Variants in GLUL observed in about 807,000 individuals in gnomAD.
GLUL encodes the protein glutamine synthetase.
A neutral mutation model predicts 36.9 loss-of-function variants in GLUL; 8 were observed. That is an observed-to-expected ratio of 0.22 (90% CI 0.13 to 0.39). The LOEUF (loss-of-function observed/expected upper bound fraction) is 0.39, where lower values mean the gene tolerates loss of function less well. GLUL is among the 10% of genes least tolerant of loss of function. The probability of loss-of-function intolerance (pLI) is 1.00; values close to 1 mark genes in which losing one functional copy is unlikely to be tolerated. For synonymous variants in GLUL, 182 were observed against 172.8 expected (o/e 1.05, Z -0.42); for missense variants, 315 against 501.8 (o/e 0.63, Z 3.56).
intron 3 of GLUL, chr1:182,386,902 T>C (rs1571407783): frequency 3.4e-6 from 2 of 593,168 alleles, no homozygotes; most frequent in East Asian, 2.9e-5. Flanking sequence ...GGCAAACAGA[T>C]CTGGACAAAT....
At chr1:182,386,611 C>A in intron 3 of GLUL, 1 of 613,214 alleles carries the variant, frequency 1.6e-6, no homozygotes, top group South Asian at 1.9e-5. Context: ...CTCTGAAAGA[C>A]TTCAGTTTTA....
chr1:182,378,195 C>G lies in GLUL; in HGVS notation c.*6210G>C, dbSNP rs1571397543. ...GCCCACTGGAGTTTAACTAATAGAT[C>G]TGCTGACTACGCCGTACAGTGGAGG... is the stretch of plus-strand genomic sequence containing the variant. On this transcript the variant is annotated 3_prime_UTR_variant, in exon 7 of 7. Coordinates refer to ENST00000331872, the MANE Select transcript of GLUL (RefSeq NM_001033044.4). Among the ~76,000 whole-genome samples, 1 of 152,160 alleles carries G rather than the reference C, an allele frequency of 6.6e-6. No individual in the cohort carries two copies. The highest frequency in any genetic ancestry group is 1.5e-5 in the Non-Finnish European group (1 of 68,020).
In GLUL at chr1:182,384,273, G is replaced by A. The variant is rs1650067275; in HGVS notation, c.*132C>T. 2.8e-6 allele frequency: 2 copies of A among 726,132 alleles called. No individual in the cohort carries two copies. Among genetic ancestry groups the A allele is most frequent in the African/African-American group, 1.7e-5 (1 of 57,266 alleles). The allele number at this position is 726,132 out of a possible 1,614,324, so 45.0% of individuals were successfully genotyped here. ...CCAAACAAAGAAAGCAAGATTAACT[G>A]GGCACATGGAATGAAAAAAACGACC... On this transcript the variant is annotated 3_prime_UTR_variant, in exon 7 of 7. Coordinates refer to ENST00000331872, the MANE Select transcript of GLUL (RefSeq NM_001033044.4).
Position 182,384,396 on chromosome 1 carries a change from C to A in GLUL, c.*9G>T. ...TAGGAGGGGCTCAACAGCTGGAGGT[C>A]TAGTCCACTTAATTTTTGTACTGGA... On this transcript the variant is annotated 3_prime_UTR_variant, in exon 7 of 7. Coordinates refer to ENST00000331872, the MANE Select transcript of GLUL (RefSeq NM_001033044.4). The A allele has an allele frequency of 6.3e-7, 1 of 1,591,938 alleles. No individual in the cohort carries two copies. The highest frequency in any genetic ancestry group is 1.1e-5 in the South Asian group (1 of 90,448).
chr1:182,391,025 C>T (rs1033092522), intron 1 of GLUL: 7 of 396,996 alleles, frequency 1.8e-5, no homozygotes, highest in Non-Finnish European at 3.1e-5. Flanking sequence ...AGGGTGGGGG[C>T]GCAGGCCGTA....
chr1:182,385,319 A>G (rs774201990), intron 6 of GLUL, 38 bp downstream of exon 6: 1 of 1,476,204 alleles, frequency 6.8e-7, no homozygotes, highest in Admixed American at 1.7e-5. Flanking sequence ...GTTTTCTGCC[A>G]CAGGAGATTA....
At position 182,391,789 on chromosome 1, in the gene GLUL, C is replaced by T. The variant is rs1015120813; in HGVS notation, c.-124G>A. On this transcript the variant is annotated 5_prime_UTR_variant, in exon 1 of 7. Coordinates refer to ENST00000331872, the MANE Select transcript of GLUL (RefSeq NM_001033044.4). ...CTCCGCTCTTCTCCCACTCTCGACT[C>T]TGCAGAGCCGCCAGCAGCCCCGCAC... 2.0e-5 allele frequency: 3 copies of T among 152,544 alleles called. No homozygotes were observed. The highest frequency in any genetic ancestry group is 1.9e-4 in the East Asian group (1 of 5,174). The allele number at this position is 152,544 out of a possible 1,614,324, so 9.4% of individuals were successfully genotyped here. A position where few individuals can be genotyped will look rare whatever the true frequency, so the allele number is the denominator to read the frequency against.
At chr1:182,386,542 C>T (rs1650190923) in intron 3 of GLUL, 140 bp from the exon 4 acceptor site, 5 of 762,764 alleles carry the variant, frequency 6.6e-6, no homozygotes, top group African/African-American at 1.7e-5. Context: ...TATAGGCCTT[C>T]TTGGGATCAC....
intron 6 of GLUL, 56 bp downstream of exon 6, chr1:182,385,298 TCTC>T: frequency 1.6e-6 from 2 of 1,290,186 alleles, no homozygotes; most frequent in African/African-American, 2.9e-5. Flanking sequence ...GATTGCTAAG[TCTC>T]CTCCCAAGTT....
intron 4 of GLUL, 26 bp downstream of exon 4, chr1:182,386,230 T>C: frequency 6.2e-7 from 1 of 1,607,854 alleles, no homozygotes; most frequent in African/African-American, 1.3e-5. Flanking sequence ...TTCTGGGAAT[T>C]TCACCTCTAA....
In GLUL at chr1:182,384,434, C is replaced by T. The variant is rs754863423; in HGVS notation, c.1093G>A (p.Gly365Ser). Residue 365 changes from glycine to serine, a missense_variant, in exon 7 of 7, where the codon GGC (glycine) becomes AGC (serine). This residue lies in a region of GLUL where 58 missense variants were observed against 89.5 expected (regional missense o/e 0.65). Coordinates refer to ENST00000331872, the MANE Select transcript of GLUL (RefSeq NM_001033044.4). The stretch of plus-strand genomic sequence containing the variant: ...TTTTTGTACTGGAAGGGCTCATCGC[C>T]GGTTTCATTGAGAAGACACGTGCGG... ...LIRTCLLNETGDEPFQYKN is the reference protein window; with the variant it reads ...LIRTCLLNETSDEPFQYKN 1.1e-5 allele frequency: 17 copies of T among 1,613,480 alleles called. No homozygotes were observed. Among genetic ancestry groups the T allele is most frequent in the South Asian group, 3.3e-5 (3 of 91,050 alleles).
chr1:182,387,686 C>T (rs751149055), intron 2 of GLUL, among the ~76,000 whole-genome samples: 3 of 152,256 alleles, frequency 2.0e-5, no homozygotes, highest in Non-Finnish European at 4.4e-5. Context: ...TGTATTCTGG[C>T]AAGTTATGTC....
At chr1:182,385,714 T>TGC in intron 5 of GLUL, 46 bp downstream of exon 5, 1 of 1,611,522 alleles carries the variant, frequency 6.2e-7, no homozygotes, top group Non-Finnish European at 8.5e-7. Flanking sequence ...AAGTCCTATG[T>TGC]ACACCTACCT....
At position 182,384,561 on chromosome 1, in the gene GLUL, G is replaced by A; in HGVS notation, c.966C>T (p.Ser322=). 6.2e-7 allele frequency: 1 copy of A among 1,614,196 alleles called. No individual in the cohort carries two copies. Among genetic ancestry groups the A allele is most frequent in the Non-Finnish European group, 8.5e-7 (1 of 1,180,030 alleles). Residue 322 remains serine, a synonymous_variant, in exon 7 of 7, where the codon AGC becomes AGT. Coordinates refer to ENST00000331872, the MANE Select transcript of GLUL (RefSeq NM_001033044.4). ...GGCCAACAGTCCGGGGAATGCGTATGCTGGCGCTACGATTGGCTACACCAG... is the reference window on the plus strand; with the variant it reads ...GGCCAACAGTCCGGGGAATGCGTATACTGGCGCTACGATTGGCTACACCAG... ...FSAGVANRSA[S]IRIPRTVGQE...
chr1:182,381,752 T>TC lies in GLUL; in HGVS notation c.*2652dup, dbSNP rs1649935402. 6.6e-6 allele frequency: 1 copy of TC among 152,116 alleles called. No individual in the cohort carries two copies. The allele number at this position is 152,116 out of a possible 1,614,324, so 9.4% of individuals were successfully genotyped here. ...AGTGCTTACACTGTAGGATACACCA[T>TC]CCAAGAGGCTGTAAGGGTGGCCAAG... On this transcript the variant is annotated 3_prime_UTR_variant, in exon 7 of 7. Transcript: ENST00000331872.
rs1649894803 is a variant in GLUL, at chr1:182,380,624, G to C, written c.*3781C>G. 6.6e-6 allele frequency among the ~76,000 whole-genome samples: 1 copy of C among 152,184 alleles called. No homozygotes were observed. The highest frequency in any genetic ancestry group is 1.5e-5 in the Non-Finnish European group (1 of 68,026). ...ATTCTTTTTAAGCTCAATAAAAATG[G>C]AACTTTGTCTTGCTGTCATGGCCAG... On this transcript the variant is annotated 3_prime_UTR_variant, in exon 7 of 7. Coordinates refer to ENST00000331872, the MANE Select transcript of GLUL (RefSeq NM_001033044.4).
At chr1:182,388,823 G>A (rs369215981) in intron 1 of GLUL, 73 bp from the exon 2 acceptor site, 4 of 1,155,194 alleles carry the variant, frequency 3.5e-6, no homozygotes, top group South Asian at 2.5e-5. Context: ...GGCTCAAGAA[G>A]GACGACTGAA....
In GLUL at chr1:182,379,247, A is replaced by G. The variant is rs899382637; in HGVS notation, c.*5158T>C. 6.6e-6 allele frequency among the ~76,000 whole-genome samples: 1 copy of G among 151,064 alleles called. No individual in the cohort carries two copies. Among genetic ancestry groups the G allele is most frequent in the African/African-American group, 2.4e-5 (1 of 41,024 alleles). On this transcript the variant is annotated 3_prime_UTR_variant, in exon 7 of 7. Coordinates refer to ENST00000331872, the MANE Select transcript of GLUL (RefSeq NM_001033044.4). ...TTTATTTATTTGTTTATTTTTTGAT[A>G]TGTCTCACTCTTTTGCCCAGGCTGG...
At chr1:182,388,863 T>A (rs963691189) in intron 1 of GLUL, 113 bp from the exon 2 acceptor site, 3 of 814,324 alleles carry the variant, frequency 3.7e-6, no homozygotes, top group Admixed American at 1.8e-5. Context: ...TGCCAACTCC[T>A]TCCCTTGTGG....
Sources: gnomAD v4.1 joint callset for allele counts (sites outside exome capture counted in the v4.1 genomes callset) on GRCh38, gnomAD v4.1.1 for gene constraint, gnomAD v4.1.1 regional missense constraint, MANE v1.5 for transcripts, NCBI Gene and HGNC (gene_info 2026-07-23, HGNC 2026-07-21) for gene names.